The following CSMD1 variants were observed in gnomAD, a reference collection of about 807,000 sequenced individuals.
CSMD1 encodes CUB and sushi domain-containing protein 1.
Under a neutral mutation model 417.5 loss-of-function variants are expected in CSMD1, and 213 were observed. The observed-to-expected ratio is 0.51, with a 90% CI of 0.46 to 0.57. The LOEUF is 0.57. Ranked by LOEUF, CSMD1 falls within the 20% of genes least tolerant of loss-of-function variation. CSMD1 has a pLI of 0.00. For missense variants in CSMD1, 6,923 were observed against 4,529.7 expected, an observed-to-expected ratio of 1.53 and a Z score of -15.17; for synonymous variants, 2,862 against 1,736.8, an observed-to-expected ratio of 1.65 and a Z score of -16.11.
chr8:4,409,055 G>A (rs776702369), intron 3 of CSMD1, among the ~76,000 whole-genome samples: 11 of 152,088 alleles, frequency 7.2e-5, no homozygotes, highest in Non-Finnish European at 1.2e-4. Flanking sequence ...GTGCACATTC[G>A]GCATTGAATT....
At chr8:3,611,239 TA>T (rs1801878547) in intron 8 of CSMD1, among the ~76,000 whole-genome samples, 1 of 106,848 alleles carries the variant, frequency 9.4e-6, no homozygotes, top group Non-Finnish European at 2.2e-5. Context: ...ATAATAATAA[TA>T]AAGTTAAATT....
At chr8:4,897,206 AACTC>A (rs1804554307) in intron 1 of CSMD1, among the ~76,000 whole-genome samples, 1 of 152,094 alleles carries the variant, frequency 6.6e-6, no homozygotes, top group Admixed American at 6.5e-5. Flanking sequence ...GGTAGAATAA[AACTC>A]ACAACACGTC....
At chr8:4,112,471 A>G (rs920641131) in intron 3 of CSMD1, among the ~76,000 whole-genome samples, 4 of 152,044 alleles carry the variant, frequency 2.6e-5, no homozygotes, top group Non-Finnish European at 5.9e-5. Flanking sequence ...TGGTTCTTCC[A>G]CCCTCCTGCC....
chr8:4,508,795 T>A (rs1469398610), intron 2 of CSMD1, among the ~76,000 whole-genome samples: 1 of 152,192 alleles, frequency 6.6e-6, no homozygotes, highest in African/African-American at 2.4e-5. Context: ...AAACAGCCAG[T>A]CATAATATGT....
chr8:3,767,413 A>G (rs554354326), intron 5 of CSMD1, among the ~76,000 whole-genome samples: 3 of 152,258 alleles, frequency 2.0e-5, no homozygotes, highest in Non-Finnish European at 4.4e-5. Context: ...AAACCTCAGA[A>G]TTGTTCATTG....
At chr8:4,156,008 G>C (rs770451425) in intron 3 of CSMD1, among the ~76,000 whole-genome samples, 7 of 152,244 alleles carry the variant, frequency 4.6e-5, no homozygotes, top group Non-Finnish European at 1.0e-4. Context: ...GCCTAATGGA[G>C]TCACAGACCC....
At chr8:3,274,757 C>CT (rs925327143) in intron 26 of CSMD1, among the ~76,000 whole-genome samples, 1 of 151,960 alleles carries the variant, frequency 6.6e-6, no homozygotes, top group Non-Finnish European at 1.5e-5. Context: ...CAACCCCTGC[C>CT]TTTTTTTGTT....
At chr8:3,531,783 T>C (rs1244294787) in intron 10 of CSMD1, among the ~76,000 whole-genome samples, 2 of 152,050 alleles carry the variant, frequency 1.3e-5, no homozygotes, top group African/African-American at 2.4e-5. Flanking sequence ...GCTGCAAACA[T>C]AGATAAGCAA....
At chr8:4,467,131 A>AAG (rs1554489159) in intron 2 of CSMD1, among the ~76,000 whole-genome samples, 1 of 150,696 alleles carries the variant, frequency 6.6e-6, no homozygotes, top group African/African-American at 2.5e-5. Flanking sequence ...GTAAAAAAAA[A>AAG]AAAAAAAAAG....
intron 5 of CSMD1, among the ~76,000 whole-genome samples, chr8:3,772,514 TACA>T (rs1798657319): frequency 2.5e-5 from 1 of 39,818 alleles, no homozygotes; most frequent in African/African-American, 5.9e-5. Context: ...TACACATATA[TACA>T]TATATACACA....
At chr8:3,301,142 T>C (rs1804371247) in intron 25 of CSMD1, among the ~76,000 whole-genome samples, 1 of 152,128 alleles carries the variant, frequency 6.6e-6, no homozygotes, top group Non-Finnish European at 1.5e-5. Flanking sequence ...TTTTTTAATT[T>C]TTTCAAAATC....
At chr8:4,906,506 T>C (rs112462045) in intron 1 of CSMD1, among the ~76,000 whole-genome samples, 1 of 5,842 alleles carries the variant, frequency 1.7e-4, no homozygotes. Context: ...ACACACTTTG[T>C]TTTTCAGTTT....
Position 4,400,488 on chromosome 8 carries a change from G to C in CSMD1, c.415+19465C>G, listed in dbSNP as rs115902160. ...TGCTCCACGCAAATTCTTGTGTTCA[G>C]CAACATCACGAGTTCTAAAAAAGTC... On this transcript the variant is annotated intron_variant, in intron 3 of 69. Coordinates refer to ENST00000635120, the MANE Select transcript of CSMD1 (RefSeq NM_033225.6). Among the ~76,000 whole-genome samples, 508 of 152,274 alleles carry C rather than the reference G, an allele frequency of 3.3e-3. 4 individuals are homozygous for C. The highest frequency in any genetic ancestry group is 0.012 in the African/African-American group (498 of 41,544).
chr8:3,690,093 C>A (rs1800156717), intron 7 of CSMD1, among the ~76,000 whole-genome samples: 1 of 152,106 alleles, frequency 6.6e-6, no homozygotes, highest in African/African-American at 2.4e-5. Context: ...GCGTAGTGGC[C>A]AACATCTGTA....
In CSMD1 at chr8:4,117,016, C is replaced by CT. The variant is rs1235688483; in HGVS notation, c.416-84918dup. On this transcript the variant is annotated intron_variant, in intron 3 of 69. Transcript: ENST00000635120. ...TCAGTAAGATGGCCTGACGCTTAAC[C>CT]TTTTTTTTTCTTTTCGCAGTTTGGA... Among the ~76,000 whole-genome samples the CT allele has an allele frequency of 4.6e-3, 693 of 151,266 alleles. 7 individuals are homozygous for CT. The highest frequency in any genetic ancestry group is 0.014 in the African/African-American group (573 of 41,252).
intron 12 of CSMD1, among the ~76,000 whole-genome samples, chr8:3,433,799 C>G (rs1232185325): frequency 1.3e-5 from 2 of 152,164 alleles, no homozygotes; most frequent in Admixed American, 6.5e-5. Context: ...CACCAGTGCA[C>G]AGTTCTAGGA....
chr8:4,816,891 T>G (rs918876189), intron 1 of CSMD1, among the ~76,000 whole-genome samples: 1 of 152,078 alleles, frequency 6.6e-6, no homozygotes, highest in African/African-American at 2.4e-5. Context: ...TCACATGCCC[T>G]CTGAGGTTTG....
At chr8:3,352,777 T>C (rs752073727) in intron 21 of CSMD1, among the ~76,000 whole-genome samples, 2 of 150,826 alleles carry the variant, frequency 1.3e-5, no homozygotes, top group East Asian at 1.9e-4. Context: ...GAGGTGGAGG[T>C]TGCAGTGAAC....
chr8:3,602,949 T>C (rs546465978), intron 8 of CSMD1, among the ~76,000 whole-genome samples: 2 of 152,296 alleles, frequency 1.3e-5, no homozygotes, highest in African/African-American at 4.8e-5. Flanking sequence ...GTGTATTTTA[T>C]TTTGATGAAA....
Sources: gnomAD v4.1 joint callset for allele counts (sites outside exome capture counted in the v4.1 genomes callset) on GRCh38, gnomAD v4.1.1 for gene constraint, MANE v1.5 for transcripts, NCBI Gene and HGNC (gene_info 2026-07-23, HGNC 2026-07-21) for gene names.